The following GMEB1 variants were observed in gnomAD, a reference collection of about 807,000 sequenced individuals.
The protein encoded by GMEB1 is glucocorticoid modulatory element-binding protein 1.
GMEB1 carries 6 observed loss-of-function variants against 52.4 expected under a neutral mutation model. The observed-to-expected ratio is 0.11, with a 90% CI of 0.06 to 0.23. GMEB1 has a LOEUF of 0.23. Ranked by LOEUF, GMEB1 falls within the 10% of genes least tolerant of loss-of-function variation. GMEB1 has a pLI of 1.00. For synonymous variants in GMEB1, 255 were observed against 244.9 expected, an observed-to-expected ratio of 1.04 and a Z score of -0.38; for missense variants, 486 against 685.6, an observed-to-expected ratio of 0.71 and a Z score of 3.25.
At chr1:28,713,996 C>T in intron 9 of GMEB1, 77 bp from the exon 10 acceptor site, 1 of 1,031,450 alleles carries the variant, frequency 9.7e-7, no homozygotes, top group Non-Finnish European at 1.5e-6. Flanking sequence ...ACAGAGACAC[C>T]AGGTCTCCTG....
intron 9 of GMEB1, among the ~76,000 whole-genome samples, chr1:28,711,607 C>G (rs1671066288): frequency 6.6e-6 from 1 of 152,066 alleles, no homozygotes; most frequent in South Asian, 2.1e-4. Context: ...CAGGCATGTA[C>G]CACCGTGCCC....
intron 8 of GMEB1, among the ~76,000 whole-genome samples, chr1:28,708,385 C>T (rs528799458): frequency 4.0e-5 from 6 of 151,036 alleles, no homozygotes; most frequent in African/African-American, 1.2e-4. Flanking sequence ...AGGATGGTCT[C>T]GATCTCCTGA....
chr1:28,705,881 G>C (rs967237036), intron 8 of GMEB1, among the ~76,000 whole-genome samples: 51 of 151,918 alleles, frequency 3.4e-4, no homozygotes, highest in African/African-American at 1.2e-3. Flanking sequence ...TCGGCCGGGC[G>C]CGGTGGCTCA....
chr1:28,706,590 C>T (rs1345497633), intron 8 of GMEB1, among the ~76,000 whole-genome samples: 1 of 128,118 alleles, frequency 7.8e-6, no homozygotes, highest in African/African-American at 2.7e-5. Context: ...GGTGACAGAG[C>T]GAGAGTCCGT....
chr1:28,691,143 T>C (rs1402479988), intron 3 of GMEB1, among the ~76,000 whole-genome samples: 1 of 151,478 alleles, frequency 6.6e-6, no homozygotes, highest in Non-Finnish European at 1.5e-5. Flanking sequence ...ATACAAAAAT[T>C]AGCCGGGCGT....
At chr1:28,692,382 A>T (rs1325202054) in intron 4 of GMEB1, among the ~76,000 whole-genome samples, 1 of 152,088 alleles carries the variant, frequency 6.6e-6, no homozygotes, top group Non-Finnish European at 1.5e-5. Flanking sequence ...AAATACAAAA[A>T]TTAGCTGGAC....
At chr1:28,679,323 G>GC (rs1361525709) in intron 1 of GMEB1, among the ~76,000 whole-genome samples, 1 of 151,800 alleles carries the variant, frequency 6.6e-6, no homozygotes, top group African/African-American at 2.4e-5. Context: ...GATTACAGGC[G>GC]CCCACCAACA....
chr1:28,690,035 C>T, intron 2 of GMEB1, 69 bp from the exon 3 acceptor site: 3 of 969,556 alleles, frequency 3.1e-6, no homozygotes, highest in Admixed American at 4.4e-5. Flanking sequence ...ATTTCTTAAC[C>T]CCATGCTGTG....
chr1:28,673,342 C>T (rs1468672425), intron 1 of GMEB1, among the ~76,000 whole-genome samples: 7 of 151,924 alleles, frequency 4.6e-5, no homozygotes, highest in African/African-American at 7.3e-5. Flanking sequence ...CTGTAACCTC[C>T]GCCTCCTGGG....
chr1:28,698,461 G>A lies in GMEB1; in HGVS notation c.598+1377G>A, dbSNP rs555029248. ...GAGGCCAAAGCGGGCAGATCTCAAGGTCAGGAGATCGAGACTATCCTGGTT... is the reference window on the plus strand; with the variant it reads ...GAGGCCAAAGCGGGCAGATCTCAAGATCAGGAGATCGAGACTATCCTGGTT... On this transcript the variant is annotated intron_variant, in intron 6 of 9. Coordinates refer to ENST00000373816, the MANE Select transcript of GMEB1 (RefSeq NM_001319674.2). Among the ~76,000 whole-genome samples, 8 of 150,866 alleles carry A rather than the reference G, an allele frequency of 5.3e-5. No homozygotes were observed. In the South Asian group the frequency reaches 1.7e-3, roughly 32 times the overall value.
Position 28,688,278 on chromosome 1 carries a change from C to T in GMEB1, c.129-1826C>T, listed in dbSNP as rs574361968. On this transcript the variant is annotated intron_variant, in intron 2 of 9. Coordinates refer to ENST00000373816, the MANE Select transcript of GMEB1 (RefSeq NM_001319674.2). ...AGCCTGGGCAATAAGAGCGAAACTC[C>T]GTCTCAAGAAACAAACACACATACA... is the stretch of plus-strand genomic sequence containing the variant. 1.3e-3 allele frequency among the ~76,000 whole-genome samples: 204 copies of T among 152,220 alleles called. 5 individuals are homozygous for T. The South Asian group carries it at 0.039, about 29-fold the overall frequency.
chr1:28,697,868 G>A (rs1405984211), intron 6 of GMEB1, among the ~76,000 whole-genome samples: 3 of 151,874 alleles, frequency 2.0e-5, no homozygotes, highest in African/African-American at 4.8e-5. Context: ...GGCCAGGTGC[G>A]GTGGCTCACG....
At chr1:28,675,679 C>CAAAAAAAAAA (rs11316891) in intron 1 of GMEB1, among the ~76,000 whole-genome samples, 2 of 100,166 alleles carry the variant, frequency 2.0e-5, no homozygotes, top group Non-Finnish European at 4.0e-5. Context: ...GACTCTGTCT[C>CAAAAAAAAAA]AAAAAAAAAA....
intron 1 of GMEB1, among the ~76,000 whole-genome samples, chr1:28,669,042 T>TG (rs1401276251): frequency 8.9e-4 from 27 of 30,380 alleles, no homozygotes; most frequent in African/African-American, 2.3e-3. Flanking sequence ...CGCGGGGGGG[T>TG]GGGGGGACGC....
At chr1:28,713,770 T>G (rs923492043) in intron 9 of GMEB1, among the ~76,000 whole-genome samples, 12 of 152,124 alleles carry the variant, frequency 7.9e-5, no homozygotes, top group African/African-American at 2.9e-4. Flanking sequence ...GCCAGCTGGG[T>G]GCACTGGCTT....
intron 6 of GMEB1, among the ~76,000 whole-genome samples, chr1:28,700,094 G>C (rs1159589917): frequency 6.6e-6 from 1 of 151,604 alleles, no homozygotes; most frequent in Non-Finnish European, 1.5e-5. Context: ...TCTTGGCCGG[G>C]TGCAGCGGCC....
intron 6 of GMEB1, among the ~76,000 whole-genome samples, chr1:28,697,950 T>C (rs1670305605): frequency 6.6e-6 from 1 of 151,770 alleles, no homozygotes; most frequent in Non-Finnish European, 1.5e-5. Context: ...CCATCCTGGC[T>C]AACACAGTGA....
At chr1:28,710,427 A>G in intron 8 of GMEB1, 93 bp from the exon 9 acceptor site, 1 of 947,492 alleles carries the variant, frequency 1.1e-6, no homozygotes, top group Non-Finnish European at 1.5e-6. Context: ...GAGTCCCATA[A>G]TTTCTGGTTG....
chr1:28,681,952 C>CCTAG (rs1669410551), intron 1 of GMEB1, among the ~76,000 whole-genome samples: 1 of 152,200 alleles, frequency 6.6e-6, no homozygotes, highest in African/African-American at 2.4e-5. Flanking sequence ...GATCCACCCG[C>CCTAG]CTAGGCCTCC....
Sources: allele counts gnomAD v4.1 joint callset (sites outside exome capture counted in the v4.1 genomes callset), GRCh38; gene constraint gnomAD v4.1.1; transcripts MANE v1.5; gene names NCBI Gene and HGNC (gene_info 2026-07-23, HGNC 2026-07-21).